SLC17A3: variants seen among roughly 807,000 people sequenced by gnomAD.
SLC17A3 encodes solute carrier family 17 member 3, also known as sodium-dependent phosphate transport protein 4.
SLC17A3 carries 61 observed loss-of-function variants against 60.3 expected under a neutral mutation model. The observed-to-expected ratio is 1.01, with a 90% confidence interval of 0.82 to 1.25. The LOEUF is 1.25. Ranked by LOEUF, SLC17A3 falls within the 50% of genes most tolerant of loss-of-function variation. The pLI is 0.00. For synonymous variants in SLC17A3, 192 were observed against 208.9 expected (o/e 0.92, Z 0.70); for missense variants, 624 against 594.9 (o/e 1.05, Z -0.51).
At chr6:25,859,711 T>C (rs1765416121) in intron 5 of SLC17A3, among the ~76,000 whole-genome samples, 1 of 152,172 alleles carries the variant, frequency 6.6e-6, no homozygotes, top group African/African-American at 2.4e-5. Context: ...CAACTCTGGT[T>C]CTCAGAACCA....
At chr6:25,867,912 A>G (rs1765564718) in intron 2 of SLC17A3, among the ~76,000 whole-genome samples, 1 of 151,994 alleles carries the variant, frequency 6.6e-6, no homozygotes, top group Non-Finnish European at 1.5e-5. Flanking sequence ...TCATTGAATT[A>G]AGCTTATGAC....
In SLC17A3 at chr6:25,850,537, G is replaced by A; in HGVS notation, c.915C>T (p.Ser305=). 6.2e-7 allele frequency: 1 copy of A among 1,613,732 alleles called. No homozygotes were observed. The highest frequency in any genetic ancestry group is 1.1e-5 in the South Asian group (1 of 91,072). The part of the protein sequence containing the change: ...PIWSICLGCF[S]HQWLVSTMVV... ...CCATTGTGCTAACTAACCATTGATG[G>A]CTGAAACAGCCTAAACATATGGACC... The change falls in exon 8 of 13, where the codon AGC becomes AGT. Residue 305 remains serine, a synonymous_variant. Coordinates refer to ENST00000397060, the MANE Select transcript of SLC17A3 (RefSeq NM_001098486.2).
intron 5 of SLC17A3, among the ~76,000 whole-genome samples, chr6:25,860,864 A>C (rs1041539334): frequency 2.6e-5 from 4 of 152,172 alleles, no homozygotes; most frequent in Non-Finnish European, 5.9e-5. Flanking sequence ...TGTGATAAAC[A>C]AAGTGAATTT....
At chr6:25,864,329 G>T (rs141434983) in intron 2 of SLC17A3, among the ~76,000 whole-genome samples, 30 of 152,036 alleles carry the variant, frequency 2.0e-4, no homozygotes, top group African/African-American at 6.7e-4. Context: ...AGGGGGACAT[G>T]ATATGACTTA....
chr6:25,850,741 T>TG lies in SLC17A3; in HGVS notation c.831+17dup. The TG allele has an allele frequency of 6.2e-7, 1 of 1,608,614 alleles. No homozygotes were observed. Among genetic ancestry groups the TG allele is most frequent in the South Asian group, 1.1e-5 (1 of 90,950 alleles). On this transcript the variant is annotated intron_variant, in intron 7 of 12. Transcript: ENST00000397060. ...CAGATACAAGGTCTCAGAAAAGTGT[T>TG]GGTGTCTTTATATGTACCTGTTGTT... is the stretch of plus-strand genomic sequence containing the variant.
chr6:25,873,335 A>G (rs542419551), intron 1 of SLC17A3, among the ~76,000 whole-genome samples: 2 of 152,190 alleles, frequency 1.3e-5, no homozygotes, highest in East Asian at 3.9e-4. Context: ...GAAACTATAT[A>G]TTGCACTCTG....
At chr6:25,854,318 C>A in intron 6 of SLC17A3, among the ~76,000 whole-genome samples, 1 of 152,242 alleles carries the variant, frequency 6.6e-6, no homozygotes, top group East Asian at 1.9e-4. Context: ...TTTTGAAGTT[C>A]TGTCATTAGG....
intron 6 of SLC17A3, among the ~76,000 whole-genome samples, chr6:25,852,804 A>G (rs1765300759): frequency 6.6e-6 from 1 of 152,072 alleles, no homozygotes; most frequent in Non-Finnish European, 1.5e-5. Flanking sequence ...AGTTTTGATC[A>G]ATTTATTATT....
intron 1 of SLC17A3, among the ~76,000 whole-genome samples, chr6:25,872,008 C>T (rs1216972666): frequency 6.6e-6 from 1 of 152,004 alleles, no homozygotes; most frequent in Non-Finnish European, 1.5e-5. Flanking sequence ...GGAACCAACT[C>T]ACTTGGGGCC....
Position 25,868,366 on chromosome 6 carries a change from T to C in SLC17A3, c.22A>G (p.Ser8Gly). Residue 8 changes from serine (S) to glycine (G), a missense_variant, in exon 2 of 13, where the codon AGT (serine) becomes GGT (glycine). Coordinates refer to ENST00000397060, the MANE Select transcript of SLC17A3 (RefSeq NM_001098486.2). Reference sequence around the variant, plus strand: ...TTCTTGCTCTCCCTTGCTGTGGGACTCAACTCTGTCTTGGTGGCCATTGTG... The same window carrying C: ...TTCTTGCTCTCCCTTGCTGTGGGACCCAACTCTGTCTTGGTGGCCATTGTG... MATKTEL[S>G]PTARESKNAQ... is the part of the protein sequence containing the mutation. 6.2e-7 allele frequency: 1 copy of C among 1,612,108 alleles called. No individual in the cohort carries two copies. Among genetic ancestry groups the C allele is most frequent in the Non-Finnish European group, 8.5e-7 (1 of 1,178,724 alleles).
At chr6:25,868,105 A>G (rs897581503) in intron 2 of SLC17A3, among the ~76,000 whole-genome samples, 192 bp downstream of exon 2, 3 of 151,982 alleles carry the variant, frequency 2.0e-5, no homozygotes, top group Non-Finnish European at 4.4e-5. Flanking sequence ...AGATTGAAAG[A>G]TAACTGTCAA....
At chr6:25,846,504 A>G (rs1020194314) in intron 11 of SLC17A3, among the ~76,000 whole-genome samples, 5 of 152,220 alleles carry the variant, frequency 3.3e-5, no homozygotes, top group African/African-American at 1.2e-4. Context: ...CAAGAATGGG[A>G]AAATATAATC....
At chr6:25,863,180 G>A (rs577708006) in intron 2 of SLC17A3, among the ~76,000 whole-genome samples, 1 of 152,178 alleles carries the variant, frequency 6.6e-6, no homozygotes, top group African/African-American at 2.4e-5. Flanking sequence ...TCCAAAAAAT[G>A]TAGTAAAACA....
At chr6:25,847,907 TC>T (rs1765205366) in intron 11 of SLC17A3, among the ~76,000 whole-genome samples, 1 of 152,042 alleles carries the variant, frequency 6.6e-6, no homozygotes, top group Non-Finnish European at 1.5e-5. Flanking sequence ...TCCCACACCT[TC>T]CCCCTGAGTC....
rs1309696878 is a variant in SLC17A3, at chr6:25,849,426, G to GA, written c.1309dup (p.Ser437PhefsTer17). ...GGGTACAATGACAGGTGCTATGCTC[G>GA]AAAATCCTCTTGATGCTCCCATGAG... On this transcript the variant is annotated frameshift_variant, in exon 11 of 13. Transcript: ENST00000397060. LOFTEE classifies it high-confidence loss of function. 1.2e-6 allele frequency: 2 copies of GA among 1,612,774 alleles called. No individual in the cohort carries two copies. The highest frequency in any genetic ancestry group is 2.7e-5 in the African/African-American group (2 of 74,872).
Position 25,850,622 on chromosome 6 carries a change from T to C in SLC17A3, c.832-2A>G. 6.2e-7 allele frequency: 1 copy of C among 1,613,968 alleles called. No individual in the cohort carries two copies. The highest frequency in any genetic ancestry group is 2.2e-5 in the East Asian group (1 of 44,850). On this transcript the variant is annotated splice_acceptor_variant, in intron 7 of 12. Transcript: ENST00000397060. LOFTEE classifies it high-confidence loss of function. The stretch of plus-strand genomic sequence containing the variant: ...AAGAGGCTGCTTAGAAGACCCGACC[T>C]GAAAACAAATTTACTGGTCATAACG...
chr6:25,850,931 A>AAAAAAAGCAGAAAACAGC, intron 6 of SLC17A3, 54 bp from the exon 7 acceptor site: 1 of 1,265,478 alleles, frequency 7.9e-7, no homozygotes, highest in Non-Finnish European at 1.2e-6. Flanking sequence ...TTTTGGGTGA[A>AAAAAAAGCAGAAAACAGC]CTTCTTTTAT....
intron 11 of SLC17A3, among the ~76,000 whole-genome samples, chr6:25,848,739 A>C (rs1765219939): frequency 6.6e-6 from 1 of 152,138 alleles, no homozygotes; most frequent in Non-Finnish European, 1.5e-5. Context: ...TAAAAACAAA[A>C]ATAGCTGGGA....
In SLC17A3 at chr6:25,853,406, G is replaced by GTT. The variant is rs70977233; in HGVS notation, c.712+1736_712+1737dup. Among the ~76,000 whole-genome samples, 559 of 58,792 alleles carry GTT rather than the reference G, an allele frequency of 9.5e-3. 104 individuals are homozygous for GTT. Among genetic ancestry groups the GTT allele is most frequent in the Non-Finnish European group, 0.014 (464 of 32,746 alleles). 38.6% of individuals were successfully genotyped at this position (58,792 alleles called of 152,430 possible). ...GGTTTAAATCCATTAATTTCTGCAT[G>GTT]TTTTTTTTTTTTTTTTTTTTTTTTT... On this transcript the variant is annotated intron_variant, in intron 6 of 12. Transcript: ENST00000397060.
Sources: gnomAD v4.1 joint callset for allele counts (sites outside exome capture counted in the v4.1 genomes callset) on GRCh38, gnomAD v4.1.1 for gene constraint, MANE v1.5 for transcripts, NCBI Gene and HGNC (gene_info 2026-07-23, HGNC 2026-07-21) for gene names.